Variants in DNAJC1 observed in about 807,000 individuals in gnomAD.
DNAJC1 encodes dnaJ homolog subfamily C member 1.
In DNAJC1, 58 loss-of-function variants were observed where a neutral mutation model predicts 76.6. The observed-to-expected ratio is 0.76, with a 90% CI of 0.61 to 0.94. The LOEUF (loss-of-function observed/expected upper bound fraction) is 0.94, where lower values mean the gene tolerates loss of function less well. DNAJC1 is among the 40% of genes least tolerant of loss of function. DNAJC1 has a pLI of 0.00. For synonymous variants in DNAJC1, 258 were observed against 267.9 expected (o/e 0.96, Z 0.36); for missense variants, 689 against 677.3 (o/e 1.02, Z -0.19).
At chr10:21,827,786 T>C (rs1342512732) in intron 8 of DNAJC1, among the ~76,000 whole-genome samples, 4 of 152,252 alleles carry the variant, frequency 2.6e-5, no homozygotes, top group Non-Finnish European at 5.9e-5. Flanking sequence ...TGGATTTGTT[T>C]GGGATACTAT....
chr10:21,776,537 A>G (rs1186151144), intron 9 of DNAJC1, among the ~76,000 whole-genome samples: 2 of 152,230 alleles, frequency 1.3e-5, no homozygotes, highest in Non-Finnish European at 2.9e-5. Context: ...GTTCAAATAC[A>G]AGGCATGTTC....
At chr10:21,798,347 C>T (rs1026066784) in intron 9 of DNAJC1, among the ~76,000 whole-genome samples, 2 of 152,226 alleles carry the variant, frequency 1.3e-5, no homozygotes, top group African/African-American at 2.4e-5. Flanking sequence ...TACTCAGAAT[C>T]TTCCAGTGCT....
intron 3 of DNAJC1, among the ~76,000 whole-genome samples, chr10:21,924,894 T>C (rs1364534553): frequency 2.0e-5 from 3 of 152,192 alleles, no homozygotes; most frequent in Non-Finnish European, 2.9e-5. Context: ...TGTAGGCAAT[T>C]ATAACACAAT....
intron 9 of DNAJC1, among the ~76,000 whole-genome samples, chr10:21,768,746 C>A (rs1359988727): frequency 3.9e-5 from 6 of 152,198 alleles, no homozygotes; most frequent in Non-Finnish European, 8.8e-5. Context: ...GCTTCCTTGA[C>A]TTCTGAATTT....
intron 9 of DNAJC1, among the ~76,000 whole-genome samples, chr10:21,793,803 T>C (rs1179102075): frequency 6.6e-6 from 1 of 151,908 alleles, no homozygotes; most frequent in Non-Finnish European, 1.5e-5. Flanking sequence ...AATTAAAACA[T>C]TAGCTGGGCA....
intron 3 of DNAJC1, among the ~76,000 whole-genome samples, chr10:21,924,750 C>G (rs1352788898): frequency 1.3e-5 from 2 of 152,122 alleles, no homozygotes; most frequent in Non-Finnish European, 2.9e-5. Flanking sequence ...AACTGTTAGG[C>G]AAGTTCCTCA....
At chr10:21,813,358 C>T (rs1835020797) in intron 8 of DNAJC1, among the ~76,000 whole-genome samples, 1 of 149,364 alleles carries the variant, frequency 6.7e-6, no homozygotes, top group Non-Finnish European at 1.5e-5. Context: ...TAGGAAAGGA[C>T]ATTGTCTCCC....
chr10:21,790,026 A>AAAAAAAAAAAAAAAAAAAAG (rs1564788584), intron 9 of DNAJC1, among the ~76,000 whole-genome samples: 4 of 149,422 alleles, frequency 2.7e-5, no homozygotes, highest in African/African-American at 7.4e-5. Context: ...AAAAAAAAAA[A>AAAAAAAAAAAAAAAAAAAAG]AAAAAAAAAA....
At chr10:21,787,576 T>C (rs1191246451) in intron 9 of DNAJC1, among the ~76,000 whole-genome samples, 1 of 152,078 alleles carries the variant, frequency 6.6e-6, no homozygotes, top group Non-Finnish European at 1.5e-5. Context: ...TGCTGGAGCA[T>C]GTCAAAGAAG....
At chr10:21,897,694 A>G (rs1836565863) in intron 7 of DNAJC1, among the ~76,000 whole-genome samples, 1 of 152,204 alleles carries the variant, frequency 6.6e-6, no homozygotes, top group African/African-American at 2.4e-5. Flanking sequence ...CTTCCACGAA[A>G]TCGTTCCCTG....
intron 9 of DNAJC1, among the ~76,000 whole-genome samples, chr10:21,769,618 A>G (rs965160218): frequency 2.0e-5 from 3 of 152,208 alleles, no homozygotes; most frequent in African/African-American, 7.2e-5. Flanking sequence ...AACTGCCATT[A>G]AATCTCTCAG....
intron 1 of DNAJC1, among the ~76,000 whole-genome samples, chr10:21,941,076 T>A (rs1159233198): frequency 8.5e-6 from 1 of 117,664 alleles, no homozygotes; most frequent in Non-Finnish European, 1.7e-5. Context: ...ACGGTGAAAC[T>A]CCGTCTCTAC....
At chr10:21,785,946 C>T (rs553495812) in intron 9 of DNAJC1, among the ~76,000 whole-genome samples, 22 of 152,232 alleles carry the variant, frequency 1.4e-4, no homozygotes, top group Non-Finnish European at 2.6e-4. Context: ...TCCATTTCCC[C>T]TATAAGATCA....
At chr10:21,877,760 A>C (rs1233417079) in intron 8 of DNAJC1, among the ~76,000 whole-genome samples, 1 of 152,230 alleles carries the variant, frequency 6.6e-6, no homozygotes, top group Non-Finnish European at 1.5e-5. Flanking sequence ...TTAAAAGTAC[A>C]GCTGACCCTT....
At chr10:21,793,475 T>C (rs182571717) in intron 9 of DNAJC1, among the ~76,000 whole-genome samples, 17 of 152,306 alleles carry the variant, frequency 1.1e-4, no homozygotes, top group Admixed American at 4.6e-4. Context: ...TGCAACAAGA[T>C]ATTAAGTAAA....
intron 10 of DNAJC1, among the ~76,000 whole-genome samples, chr10:21,760,792 A>G (rs1834232025): frequency 6.6e-6 from 1 of 152,220 alleles, no homozygotes; most frequent in African/African-American, 2.4e-5. Context: ...AACCTTAAGA[A>G]TGTATTTACT....
In DNAJC1 at chr10:21,766,765, G is replaced by A. The variant is rs938623714; in HGVS notation, c.1099-456C>T. Among the ~76,000 whole-genome samples the A allele has an allele frequency of 4.6e-5, 7 of 152,212 alleles. No individual in the cohort carries two copies. The South Asian group carries it at 1.5e-3, about 32-fold the overall frequency. On this transcript the variant is annotated intron_variant, in intron 9 of 11. Transcript: ENST00000376980. ...GTGGGTGGATCACTTGAGGTCAGGA[G>A]TTCAAGACCAGCCTGTCCAACATGG... is the stretch of plus-strand genomic sequence containing the variant.
rs1451322364 is a variant in DNAJC1, at chr10:21,813,094, C to CAT, written c.979-6996_979-6995insAT. 7.6e-4 allele frequency among the ~76,000 whole-genome samples: 51 copies of CAT among 66,748 alleles called. No individual in the cohort carries two copies. In the East Asian group the frequency reaches 0.059, roughly 77 times the overall value. 43.8% of individuals were successfully genotyped at this position (66,748 alleles called of 152,430 possible). A position where few individuals can be genotyped will look rare whatever the true frequency, so the allele number is the denominator to read the frequency against. On this transcript the variant is annotated intron_variant, in intron 8 of 11. Coordinates refer to ENST00000376980, the MANE Select transcript of DNAJC1 (RefSeq NM_022365.4). Reference sequence around the variant, plus strand: ...ACATATATATACATATATACACACACACATATATATATATATATATATACA... The same window carrying CAT: ...ACATATATATACATATATACACACACATACATATATATATATATATATATACA...
intron 8 of DNAJC1, among the ~76,000 whole-genome samples, chr10:21,842,412 A>G (rs1412045565): frequency 2.0e-5 from 3 of 152,194 alleles, no homozygotes; most frequent in Non-Finnish European, 4.4e-5. Flanking sequence ...AGGTAGGGCC[A>G]GGATAAACTG....
Sources: gnomAD v4.1 joint callset for allele counts (sites outside exome capture counted in the v4.1 genomes callset) on GRCh38, gnomAD v4.1.1 for gene constraint, MANE v1.5 for transcripts, NCBI Gene and HGNC (gene_info 2026-07-23, HGNC 2026-07-21) for gene names.